Variants in VTI1A observed in about 807,000 individuals in gnomAD.
The protein encoded by VTI1A is vesicle transport through interaction with t-SNAREs homolog 1A.
In VTI1A, 22 loss-of-function variants were observed where a neutral mutation model predicts 34.9. That is an observed-to-expected ratio of 0.63 (90% CI 0.45 to 0.90). The LOEUF (loss-of-function observed/expected upper bound fraction) is 0.90, where lower values mean the gene tolerates loss of function less well. Ranked by LOEUF, VTI1A falls within the 40% of genes least tolerant of loss-of-function variation. The pLI is 0.00. For synonymous variants in VTI1A, 87 were observed against 97.3 expected, an observed-to-expected ratio of 0.89 and a Z score of 0.62; for missense variants, 268 against 275.6, an observed-to-expected ratio of 0.97 and a Z score of 0.20.
chr10:112,810,175 G>A (rs1406337482), intron 7 of VTI1A, among the ~76,000 whole-genome samples: 1 of 151,956 alleles, frequency 6.6e-6, no homozygotes, highest in Non-Finnish European at 1.5e-5. Context: ...GGCCAAGATG[G>A]GCAGATCACC....
At chr10:112,853,460 C>T in the VTI1A span, among the ~76,000 whole-genome samples, 6 of 152,134 alleles carry the variant, frequency 3.9e-5, no homozygotes, top group Admixed American at 1.3e-4. Context: ...CCTCATGAGG[C>T]GAGGGGCAAG....
chr10:112,636,728 C>CAAAAAA (rs10667914), intron 5 of VTI1A, among the ~76,000 whole-genome samples: 1 of 111,688 alleles, frequency 9.0e-6, no homozygotes. Context: ...GACTCGATCT[C>CAAAAAA]AAAAAAAAAA....
At chr10:112,747,940 C>A (rs1373370361) in intron 7 of VTI1A, among the ~76,000 whole-genome samples, 1 of 152,170 alleles carries the variant, frequency 6.6e-6, no homozygotes, top group Non-Finnish European at 1.5e-5. Flanking sequence ...AACGCCCAGA[C>A]AGGGTCCTGG....
chr10:112,452,800 A>G (rs372414453), intron 1 of VTI1A, among the ~76,000 whole-genome samples: 229 of 152,080 alleles, frequency 1.5e-3, no homozygotes, highest in South Asian at 3.7e-3. Flanking sequence ...AAAAATCACA[A>G]AGATAGTACG....
chr10:112,829,818 G>A, the VTI1A span, among the ~76,000 whole-genome samples: 2 of 152,192 alleles, frequency 1.3e-5, no homozygotes, highest in African/African-American at 4.8e-5. Context: ...GATAAATGCT[G>A]TGATGAGATG....
the VTI1A span, among the ~76,000 whole-genome samples, chr10:112,847,654 A>G: frequency 5.9e-5 from 9 of 152,346 alleles, no homozygotes; most frequent in Non-Finnish European, 1.0e-4. Flanking sequence ...CTGCCAAGAA[A>G]GAAGACCAGG....
At chr10:112,487,263 A>T (rs376471740) in intron 3 of VTI1A, among the ~76,000 whole-genome samples, 3 of 152,138 alleles carry the variant, frequency 2.0e-5, no homozygotes, top group African/African-American at 7.2e-5. Flanking sequence ...AGCTGGGACT[A>T]TGGTTGTGTG....
chr10:112,795,728 G>T (rs913151483), intron 7 of VTI1A, among the ~76,000 whole-genome samples: 1 of 151,954 alleles, frequency 6.6e-6, no homozygotes, highest in Non-Finnish European at 1.5e-5. Context: ...GAGCCACTGC[G>T]CCCAGCCCCC....
chr10:112,723,718 G>T (rs1022402851), intron 7 of VTI1A, among the ~76,000 whole-genome samples: 3 of 152,196 alleles, frequency 2.0e-5, no homozygotes, highest in African/African-American at 7.2e-5. Context: ...GAATATGTGG[G>T]ATAGCCTCAG....
At chr10:112,738,016 T>A in intron 7 of VTI1A, 2 of 494,974 alleles carry the variant, frequency 4.0e-6, no homozygotes, top group Non-Finnish European at 5.2e-6. Flanking sequence ...CTTGTCTGGT[T>A]AATGAAGTTT....
chr10:112,596,314 A>AT (rs1491570733), intron 5 of VTI1A, among the ~76,000 whole-genome samples: 18 of 43,886 alleles, frequency 4.1e-4, no homozygotes, highest in Admixed American at 4.9e-4. Flanking sequence ...AAATATAATA[A>AT]TAAAAAAGCC....
chr10:112,544,056 G>C (rs1850975984), intron 5 of VTI1A, among the ~76,000 whole-genome samples: 1 of 152,220 alleles, frequency 6.6e-6, no homozygotes, highest in Non-Finnish European at 1.5e-5. Flanking sequence ...TTTGGTACCA[G>C]TACCATGCTG....
intron 5 of VTI1A, among the ~76,000 whole-genome samples, chr10:112,541,469 A>G (rs1187918587): frequency 6.6e-6 from 1 of 152,208 alleles, no homozygotes; most frequent in Admixed American, 6.5e-5. Context: ...TTTATAAACT[A>G]CCATCAGCAA....
chr10:112,785,913 T>C (rs1852273955), intron 7 of VTI1A, among the ~76,000 whole-genome samples: 1 of 152,230 alleles, frequency 6.6e-6, no homozygotes, highest in Non-Finnish European at 1.5e-5. Context: ...CTTCCAACTT[T>C]GTTCTTCTTT....
chr10:112,697,402 T>C (rs1405260432), intron 7 of VTI1A, among the ~76,000 whole-genome samples: 5 of 145,760 alleles, frequency 3.4e-5, no homozygotes, highest in Admixed American at 1.4e-4. Context: ...TTCTTTTCTT[T>C]TTTTTTTTTT....
At chr10:112,624,223 T>G (rs962195145) in intron 5 of VTI1A, among the ~76,000 whole-genome samples, 3 of 152,148 alleles carry the variant, frequency 2.0e-5, no homozygotes, top group Non-Finnish European at 4.4e-5. Flanking sequence ...TCAGCAATAC[T>G]AAATGGAATA....
At chr10:112,737,806 T>C in intron 7 of VTI1A, 5 of 1,060,616 alleles carry the variant, frequency 4.7e-6, no homozygotes, top group Non-Finnish European at 5.7e-6. Context: ...TGATTTTCTG[T>C]TGCTGAGTCA....
At chr10:112,510,677 T>G (rs1849577828) in intron 3 of VTI1A, among the ~76,000 whole-genome samples, 1 of 152,064 alleles carries the variant, frequency 6.6e-6, no homozygotes, top group African/African-American at 2.4e-5. Context: ...ACAATTATAG[T>G]TAAACGAAAG....
chr10:112,487,459 C>T (rs1010105490), intron 3 of VTI1A, among the ~76,000 whole-genome samples: 1 of 152,184 alleles, frequency 6.6e-6, no homozygotes, highest in Non-Finnish European at 1.5e-5. Flanking sequence ...CAAGGTTTAT[C>T]ATTGGCAATT....
Sources: allele counts gnomAD v4.1 joint callset (sites outside exome capture counted in the v4.1 genomes callset), GRCh38; gene constraint gnomAD v4.1.1; transcripts MANE v1.5; gene names NCBI Gene and HGNC (gene_info 2026-07-23, HGNC 2026-07-21).